The following ZFHX2 variants were observed in gnomAD, a reference collection of about 807,000 sequenced individuals.
ZFHX2 encodes the protein zinc finger homeobox 2.
ZFHX2 carries 75 observed loss-of-function variants against 164.8 expected under a neutral mutation model. That is an observed-to-expected ratio of 0.46 (90% confidence interval 0.38 to 0.55). ZFHX2 has a LOEUF of 0.55. ZFHX2 is among the 20% of genes least tolerant of loss of function. The pLI, the probability that ZFHX2 is intolerant of heterozygous loss-of-function variation, is 0.00. For synonymous variants in ZFHX2, 1,217 were observed against 1,351.4 expected (o/e 0.90, Z 2.18); for missense variants, 2,933 against 3,308.0 (o/e 0.89, Z 2.78).
At position 23,535,119 on chromosome 14, in the gene ZFHX2, T is replaced by C. The variant is rs1427569504; in HGVS notation, c.207A>G (p.Pro69=). 1.3e-6 allele frequency: 2 copies of C among 1,536,128 alleles called. No homozygotes were observed. Among genetic ancestry groups the C allele is most frequent in the South Asian group, 2.4e-5 (2 of 84,062 alleles). ...QLLESGCGLV[P]PKEIGEPQEG... Reference sequence around the variant, plus strand: ...CCTGGGGCTCCCCAATCTCCTTTGGTGGGACGAGGCCACAGCCCGACTCCA... The same window carrying C: ...CCTGGGGCTCCCCAATCTCCTTTGGCGGGACGAGGCCACAGCCCGACTCCA... Residue 69 remains proline, a synonymous_variant, in exon 2 of 10, where the codon CCA becomes CCG. Transcript: ENST00000419474. The surrounding 1 kb of genome is among the most constrained non-coding windows in gnomAD (Gnocchi z 4.5).
intron 1 of ZFHX2, chr14:23,542,794 G>A (rs1290385528): frequency 6.6e-6 from 1 of 151,846 alleles, no homozygotes; most frequent in Non-Finnish European, 1.5e-5. Context: ...GAAGTGCAGT[G>A]GTGTGATCTC....
At position 23,525,720 on chromosome 14, in the gene ZFHX2, G is replaced by T. The variant is rs757791460; in HGVS notation, c.4222C>A (p.Arg1408=). The T allele has an allele frequency of 2.0e-6, 3 of 1,514,130 alleles. No individual in the cohort carries two copies. In the East Asian group the frequency reaches 7.4e-5, roughly 37 times the overall value. The allele number at this position is 1,514,130 out of a possible 1,614,324, so 93.8% of individuals were successfully genotyped here. A position where few individuals can be genotyped will look rare whatever the true frequency, so the allele number is the denominator to read the frequency against. ...GCCATGGGGGGCCGCTCCCACTCCC[G>T]CTCAGCCAGCTCAGCCTTGGGAGGT... is the stretch of plus-strand genomic sequence containing the variant. The part of the protein sequence containing the change: ...PQPPKAELAE[R]EWERPPMAKE... Residue 1408 remains arginine, a synonymous_variant, in exon 9 of 10, where the codon CGG becomes AGG. Coordinates refer to ENST00000419474, the MANE Select transcript of ZFHX2 (RefSeq NM_033400.3). The surrounding 1 kb of genome is among the most constrained non-coding windows in gnomAD (Gnocchi z 5.9).
chr14:23,521,775 T>G lies in ZFHX2; in HGVS notation c.*187A>C. The G allele has an allele frequency of 2.0e-6, 2 of 1,008,616 alleles. No individual in the cohort carries two copies. The highest frequency in any genetic ancestry group is 2.7e-5 in the East Asian group (1 of 36,716). 62.5% of individuals were successfully genotyped at this position (1,008,616 alleles called of 1,614,324 possible). On this transcript the variant is annotated 3_prime_UTR_variant, in exon 10 of 10. Transcript: ENST00000419474. ...GGATCAATGTGTGTGTCTGTGGGGA[T>G]TGGGAGGAGGCAGGACTCTGCTGGA...
chr14:23,526,535 T>A lies in ZFHX2; in HGVS notation c.3407A>T (p.Gln1136Leu), dbSNP rs1878734705. ...APSPVPEPDA[Q>L]AEDVAPPPTM... is the part of the protein sequence containing the mutation. ...GGGCGGAGGAGCTACGTCTTCAGCT[T>A]GGGCATCAGGTTCAGGGACTGGAGA... Residue 1136 changes from glutamine to leucine, a missense_variant, in exon 9 of 10, where the codon CAA becomes CTA. By Grantham distance (113) the Gln-to-Leu change is moderately radical. Transcript: ENST00000419474. 6.5e-7 allele frequency: 1 copy of A among 1,535,716 alleles called. No homozygotes were observed. The highest frequency in any genetic ancestry group is 8.7e-7 in the Non-Finnish European group (1 of 1,146,836).
rs960555734 is a variant in ZFHX2, at chr14:23,531,532, C to T, written c.2749G>A (p.Ala917Thr). Residue 917 changes from alanine (A) to threonine (T), a missense_variant, in exon 4 of 10, where the codon GCA (alanine) becomes ACA (threonine). Transcript: ENST00000419474. ...QNGPTTEEGLAALQSILSFSH... is the reference protein window; with the variant it reads ...QNGPTTEEGLTALQSILSFSH... The stretch of plus-strand genomic sequence containing the variant: ...AAGCTCAGGATGCTCTGAAGAGCTG[C>T]GAGTCCTTCCTCAGTGGTTGGGCCA... The T allele has an allele frequency of 3.7e-5, 56 of 1,508,828 alleles. No individual in the cohort carries two copies. The highest frequency in any genetic ancestry group is 5.0e-5 in the South Asian group (4 of 80,330). The allele number at this position is 1,508,828 out of a possible 1,614,324, so 93.5% of individuals were successfully genotyped here. A position where few individuals can be genotyped will look rare whatever the true frequency, so the allele number is the denominator to read the frequency against.
In ZFHX2 at chr14:23,534,072, G is replaced by T; in HGVS notation, c.1254C>A (p.Pro418=). 1 of 1,518,776 alleles carries T rather than the reference G, an allele frequency of 6.6e-7. No homozygotes were observed. Among genetic ancestry groups the T allele is most frequent in the Middle Eastern group, 1.7e-4 (1 of 5,896 alleles). The allele number at this position is 1,518,776 out of a possible 1,614,324, so 94.1% of individuals were successfully genotyped here. ...GGGTGTAGTCATCAGCTAGGCGATA[G>T]GGCTGGGGTGGGTCACTGGGGTCTT... ...SPEDPSDPPQ[P]YRLADDYTPA... is the part of the protein sequence containing the mutation. The change falls in exon 2 of 10, where the codon CCC becomes CCA. Residue 418 remains proline (P), a synonymous_variant. Transcript: ENST00000419474. This position sits in a 1 kb window ranked among gnomAD's most constrained non-coding sequence, Gnocchi z 4.5.
chr14:23,544,915 A>C (rs1881226580), intron 1 of ZFHX2, among the ~76,000 whole-genome samples: 1 of 143,642 alleles, frequency 7.0e-6, no homozygotes, highest in African/African-American at 2.6e-5. Context: ...CCTGTCCCCC[A>C]TTGTTCTTTT....
At position 23,533,640 on chromosome 14, in the gene ZFHX2, C is replaced by G; in HGVS notation, c.1686G>C (p.Glu562Asp). The change falls in exon 2 of 10, where the codon GAG becomes GAC. Residue 562 changes from glutamate to aspartate, a missense_variant. Physicochemically the swap from Glu to Asp is conservative, Grantham distance 45. Transcript: ENST00000419474. This position sits in a 1 kb window ranked among gnomAD's most constrained non-coding sequence, Gnocchi z 4.8. ...ACTGCCAGGATGATTTGGTCTTAGG[C>G]TCTTTGTCTCCCGCGGAGGGTGGGA... is the stretch of plus-strand genomic sequence containing the variant. ...ASLPPSAGDK[E>D]PKTKSSWQCK... 1 of 1,536,972 alleles carries G rather than the reference C, an allele frequency of 6.5e-7. No homozygotes were observed. The highest frequency in any genetic ancestry group is 8.7e-7 in the Non-Finnish European group (1 of 1,147,082).
chr14:23,536,526 A>C lies in ZFHX2; in HGVS notation c.-49-1152T>G, dbSNP rs138574873. Among the ~76,000 whole-genome samples, 8 of 152,320 alleles carry C rather than the reference A, an allele frequency of 5.3e-5. 1 individual carries two copies. In the East Asian group the frequency reaches 1.5e-3, roughly 29 times the overall value. On this transcript the variant is annotated intron_variant, in intron 1 of 9. Coordinates refer to ENST00000419474, the MANE Select transcript of ZFHX2 (RefSeq NM_033400.3). ...GGTTGCCTCCTCTTCCTCCCAAAAG[A>C]GGTAACAAATAATAAGTAATAGTAA...
chr14:23,520,892 AT>A lies in ZFHX2; in HGVS notation c.*1069del, dbSNP rs1877870650. 1 of 139,314 alleles carries A rather than the reference AT, an allele frequency of 7.2e-6. No homozygotes were observed. Among genetic ancestry groups the A allele is most frequent in the African/African-American group, 2.8e-5 (1 of 35,896 alleles). The allele number at this position is 139,314 out of a possible 1,614,324, so 8.6% of individuals were successfully genotyped here. On this transcript the variant is annotated 3_prime_UTR_variant, in exon 10 of 10. Transcript: ENST00000419474. This position sits in a 1 kb window ranked among gnomAD's most constrained non-coding sequence, Gnocchi z 8.7. ...TTTCTTCCTTTTTTTTTTTTTCTGT[AT>A]TTTCCAAGTTTACGTTTTTCTTTAG...
Position 23,522,863 on chromosome 14 carries a change from G to A in ZFHX2, c.6818C>T (p.Pro2273Leu). The part of the protein sequence containing the change: ...PTTTVVQTAG[P>L]GRPLPQRPMP... ...GGGTCTCTGAGGTAAGGGGCGGCCT[G>A]GGCCAGCAGTCTGGACCACTGTGGT... Residue 2273 changes from proline (P) to leucine (L), a missense_variant, in exon 10 of 10, where the codon CCA becomes CTA. Transcript: ENST00000419474. 2 of 1,521,830 alleles carry A rather than the reference G, an allele frequency of 1.3e-6. No individual in the cohort carries two copies. The highest frequency in any genetic ancestry group is 1.8e-6 in the Non-Finnish European group (2 of 1,139,144). 94.3% of individuals were successfully genotyped at this position (1,521,830 alleles called of 1,614,324 possible).
rs1878798386 is a variant in ZFHX2 at position 23,526,945 on chromosome 14, G to C, written c.3164C>G (p.Thr1055Ser). ...TAATGTGGGTGCAGACAGCACTTTG[G>C]TTGTAAATGTCATTTCTACAGTTGT... ...VATTVEMTFT[T>S]KVLSAPTLSP... The change falls in exon 8 of 10, where the codon ACC (threonine) becomes AGC (serine). Residue 1055 changes from threonine (T) to serine (S), a missense_variant. Physicochemically the swap from Thr to Ser is moderately conservative, Grantham distance 58. Coordinates refer to ENST00000419474, the MANE Select transcript of ZFHX2 (RefSeq NM_033400.3). The C allele has an allele frequency of 2.0e-6, 3 of 1,526,478 alleles. No individual in the cohort carries two copies. In the African/African-American group the frequency reaches 4.1e-5, roughly 21 times the overall value. The allele number at this position is 1,526,478 out of a possible 1,614,324, so 94.6% of individuals were successfully genotyped here.
At position 23,533,105 on chromosome 14, in the gene ZFHX2, A is replaced by C; in HGVS notation, c.2042-21T>G. 6.7e-7 allele frequency: 1 copy of C among 1,492,554 alleles called. No homozygotes were observed. Among genetic ancestry groups the C allele is most frequent in the African/African-American group, 1.4e-5 (1 of 71,906 alleles). 92.5% of individuals were successfully genotyped at this position (1,492,554 alleles called of 1,614,324 possible). A position where few individuals can be genotyped will look rare whatever the true frequency, so the allele number is the denominator to read the frequency against. On this transcript the variant is annotated intron_variant, in intron 2 of 9. Coordinates refer to ENST00000419474, the MANE Select transcript of ZFHX2 (RefSeq NM_033400.3). The surrounding 1 kb of genome is among the most constrained non-coding windows in gnomAD (Gnocchi z 4.8). ...AGGGGCTAGAGGACAGAGACAGATTAGTGGCCCAAGAAAGAAATGGGGCAC... is the reference window on the plus strand; with the variant it reads ...AGGGGCTAGAGGACAGAGACAGATTCGTGGCCCAAGAAAGAAATGGGGCAC...
chr14:23,532,742 C>T lies in ZFHX2; in HGVS notation c.2384G>A (p.Gly795Glu). 3 of 1,536,086 alleles carry T rather than the reference C, an allele frequency of 2.0e-6. No individual in the cohort carries two copies. The highest frequency in any genetic ancestry group is 2.6e-6 in the Non-Finnish European group (3 of 1,146,838). The part of the protein sequence containing the change: ...KYQLAAHLRE[G>E]GGAMGTPSPA... ...GGAAGGGGTGCCCATGGCTCCACCC[C>T]CCTCCCGCAGGTGGGCTGCCAGCTG... is the stretch of plus-strand genomic sequence containing the variant. The change falls in exon 3 of 10, where the codon GGG becomes GAG. Residue 795 changes from glycine (G) to glutamate (E), a missense_variant. Coordinates refer to ENST00000419474, the MANE Select transcript of ZFHX2 (RefSeq NM_033400.3).
chr14:23,523,571 T>C lies in ZFHX2; in HGVS notation c.6371A>G (p.Lys2124Arg). 6.5e-7 allele frequency: 1 copy of C among 1,541,898 alleles called. No homozygotes were observed. The highest frequency in any genetic ancestry group is 8.7e-7 in the Non-Finnish European group (1 of 1,149,414). Residue 2124 changes from lysine to arginine, a missense_variant, in exon 9 of 10, where the codon AAA (lysine) becomes AGA (arginine). Transcript: ENST00000419474. This position sits in a 1 kb window ranked among gnomAD's most constrained non-coding sequence, Gnocchi z 4.1. ...QNARAKEKKA[K>R]LQGTAAGSTG... ...GCTCCCAGCGGCTGTCCCCTGTAGTTTGGCCTTCTTTTCCTTGGCACGAGC... is the reference window on the plus strand; with the variant it reads ...GCTCCCAGCGGCTGTCCCCTGTAGTCTGGCCTTCTTTTCCTTGGCACGAGC...
Position 23,525,715 on chromosome 14 carries a change from C to T in ZFHX2, c.4227G>A (p.Glu1409=), listed in dbSNP as rs1033684013. 49 of 1,519,360 alleles carry T rather than the reference C, an allele frequency of 3.2e-5. No homozygotes were observed. The highest frequency in any genetic ancestry group is 4.0e-5 in the Non-Finnish European group (46 of 1,137,726). The allele number at this position is 1,519,360 out of a possible 1,614,324, so 94.1% of individuals were successfully genotyped here. Residue 1409 remains glutamate (E), a synonymous_variant, in exon 9 of 10, where the codon GAG becomes GAA. Coordinates refer to ENST00000419474, the MANE Select transcript of ZFHX2 (RefSeq NM_033400.3). This position sits in a 1 kb window ranked among gnomAD's most constrained non-coding sequence, Gnocchi z 5.9. The stretch of plus-strand genomic sequence containing the variant: ...CTTTGGCCATGGGGGGCCGCTCCCA[C>T]TCCCGCTCAGCCAGCTCAGCCTTGG... ...QPPKAELAER[E]WERPPMAKEG... is the part of the protein sequence containing the mutation.
In ZFHX2 at chr14:23,531,617, G is replaced by C. The variant is rs1193826695; in HGVS notation, c.2664C>G (p.His888Gln). 2.0e-6 allele frequency: 3 copies of C among 1,524,878 alleles called. No individual in the cohort carries two copies. The highest frequency in any genetic ancestry group is 2.6e-6 in the Non-Finnish European group (3 of 1,139,842). The allele number at this position is 1,524,878 out of a possible 1,614,324, so 94.5% of individuals were successfully genotyped here. A position where few individuals can be genotyped will look rare whatever the true frequency, so the allele number is the denominator to read the frequency against. Reference protein sequence around the residue: ...ETPSRLAVLQHLRTPAHRDAQ... With the variant: ...ETPSRLAVLQQLRTPAHRDAQ... Reference sequence around the variant, plus strand: ...CATCGCGGTGGGCAGGTGTGCGCAGGTGTTGCAGCACAGCCAAGCGGGAGG... The same window carrying C: ...CATCGCGGTGGGCAGGTGTGCGCAGCTGTTGCAGCACAGCCAAGCGGGAGG... Residue 888 changes from histidine to glutamine, a missense_variant, in exon 4 of 10, where the codon CAC becomes CAG. Transcript: ENST00000419474.
In ZFHX2 at chr14:23,551,648, C is replaced by A; in HGVS notation, c.-355G>T. The A allele has an allele frequency of 6.5e-6, 1 of 154,860 alleles. No homozygotes were observed. Among genetic ancestry groups the A allele is most frequent in the Non-Finnish European group, 1.4e-5 (1 of 69,306 alleles). 9.6% of individuals were successfully genotyped at this position (154,860 alleles called of 1,614,324 possible). A position where few individuals can be genotyped will look rare whatever the true frequency, so the allele number is the denominator to read the frequency against. ...GATTCACCCTGGGCACTCGCTCGCT[C>A]CCTGCCTCCTCCTCCTCCTCCTCCT... On this transcript the variant is annotated 5_prime_UTR_variant, in exon 1 of 10. Transcript: ENST00000419474. The surrounding 1 kb of genome is among the most constrained non-coding windows in gnomAD (Gnocchi z 5.3).
chr14:23,542,035 G>T (rs1420263711), intron 1 of ZFHX2: 2 of 152,324 alleles, frequency 1.3e-5, no homozygotes, highest in African/African-American at 4.8e-5. Flanking sequence ...GTTGTAAAGG[G>T]CAAAGAAAGA....
Sources: gnomAD v4.1 joint callset for allele counts (sites outside exome capture counted in the v4.1 genomes callset) on GRCh38, gnomAD v4.1.1 for gene constraint, Gnocchi (gnomAD v3.1) non-coding constraint, MANE v1.5 for transcripts, NCBI Gene and HGNC (gene_info 2026-07-23, HGNC 2026-07-21) for gene names.